CFAP299: variants seen among roughly 807,000 people sequenced by gnomAD.
CFAP299 encodes the protein cilia and flagella associated protein 299, also known as cilia- and flagella-associated protein 299.
In CFAP299, 21 loss-of-function variants were observed where a neutral mutation model predicts 27.0. That is an observed-to-expected ratio of 0.78 (90% CI 0.55 to 1.12). The LOEUF (loss-of-function observed/expected upper bound fraction) is 1.12, where lower values mean the gene tolerates loss of function less well. CFAP299 is among the 50% of genes most tolerant of loss of function. The pLI is 0.00. For missense variants in CFAP299, 310 were observed against 276.6 expected, an observed-to-expected ratio of 1.12 and a Z score of -0.86; for synonymous variants, 104 against 98.1, an observed-to-expected ratio of 1.06 and a Z score of -0.36.
At chr4:80,554,760 A>G (rs1464276314) in intron 2 of CFAP299, among the ~76,000 whole-genome samples, 1 of 151,822 alleles carries the variant, frequency 6.6e-6, no homozygotes, top group Non-Finnish European at 1.5e-5. Flanking sequence ...TTTGTGTGAC[A>G]GTTGTGAATG....
At chr4:80,671,001 G>C (rs190959072) in intron 3 of CFAP299, among the ~76,000 whole-genome samples, 3 of 152,012 alleles carry the variant, frequency 2.0e-5, no homozygotes, top group Admixed American at 6.6e-5. Context: ...TAATTAGATC[G>C]CATTTGTCTA....
the CFAP299 span, among the ~76,000 whole-genome samples, chr4:80,321,717 A>C: frequency 1.3e-5 from 2 of 152,172 alleles, no homozygotes; most frequent in Non-Finnish European, 2.9e-5. Flanking sequence ...ACAAAATCCC[A>C]TGAGTGCAGA....
intron 4 of CFAP299, among the ~76,000 whole-genome samples, chr4:80,895,889 GA>G (rs1436676721): frequency 3.9e-5 from 6 of 152,086 alleles, no homozygotes; most frequent in Admixed American, 3.9e-4. Flanking sequence ...TCACTCGGAT[GA>G]ATGAGGAAGA....
At chr4:80,388,741 A>G (rs935170099) in intron 2 of CFAP299, 8 of 528,372 alleles carry the variant, frequency 1.5e-5, no homozygotes, top group African/African-American at 1.0e-4. Flanking sequence ...ATTTCTTATA[A>G]TTAATCAATA....
intron 3 of CFAP299, among the ~76,000 whole-genome samples, chr4:80,744,318 G>T (rs898045180): frequency 1.2e-4 from 18 of 145,488 alleles, no homozygotes; most frequent in Non-Finnish European, 2.1e-4. Flanking sequence ...CTGATCAAGA[G>T]ACCTGCTGTG....
At chr4:80,848,218 A>G (rs1361606738) in intron 3 of CFAP299, among the ~76,000 whole-genome samples, 1 of 151,998 alleles carries the variant, frequency 6.6e-6, no homozygotes, top group Non-Finnish European at 1.5e-5. Context: ...CTCAAAAAAA[A>G]AAGGGATACA....
chr4:80,701,151 C>T (rs1036374252), intron 3 of CFAP299, among the ~76,000 whole-genome samples: 3 of 151,972 alleles, frequency 2.0e-5, no homozygotes, highest in Non-Finnish European at 4.4e-5. Flanking sequence ...ATCATAAAAA[C>T]ATTAGTGGGG....
Position 80,447,126 on chromosome 4 carries a change from T to TTTG in CFAP299, c.242+84244_242+84245insGTT, listed in dbSNP as rs1553923899. 1.7e-4 allele frequency among the ~76,000 whole-genome samples: 20 copies of TTTG among 118,152 alleles called. 1 individual carries two copies. Among genetic ancestry groups the TTTG allele is most frequent in the African/African-American group, 7.0e-4 (20 of 28,768 alleles). The allele number at this position is 118,152 out of a possible 152,430, so 77.5% of individuals were successfully genotyped here. On this transcript the variant is annotated intron_variant, in intron 2 of 5. Coordinates refer to ENST00000358105, the MANE Select transcript of CFAP299 (RefSeq NM_152770.3). ...TGTTTTTGCTTTTTATTTGTTTTTT[T>TTTG]TTTGTTTTTTTTTTTTTTTTTTTTT...
intron 3 of CFAP299, among the ~76,000 whole-genome samples, chr4:80,867,352 T>C (rs930397060): frequency 5.9e-5 from 9 of 152,202 alleles, no homozygotes; most frequent in African/African-American, 2.2e-4. Context: ...TTAAGTGTTA[T>C]TGTGTTTCAT....
At chr4:80,938,057 T>C (rs78981611) in intron 4 of CFAP299, among the ~76,000 whole-genome samples, 7,436 of 152,292 alleles carry the variant, frequency 0.049, 558 homozygotes, top group African/African-American at 0.16. Flanking sequence ...ATGTCCCTAT[T>C]TACACCTGTT....
intron 3 of CFAP299, among the ~76,000 whole-genome samples, chr4:80,862,876 G>GA (rs1383230690): frequency 6.6e-5 from 10 of 152,106 alleles, no homozygotes; most frequent in Admixed American, 6.6e-4. Context: ...AAAACATTCA[G>GA]AAAATAACTT....
chr4:80,512,046 C>T (rs1168512683), intron 2 of CFAP299, among the ~76,000 whole-genome samples: 1 of 152,062 alleles, frequency 6.6e-6, no homozygotes, highest in Non-Finnish European at 1.5e-5. Flanking sequence ...TAAATGCTTT[C>T]AGTAACTAGG....
At chr4:80,871,348 A>G in intron 4 of CFAP299, 1 of 985,086 alleles carries the variant, frequency 1.0e-6, no homozygotes, top group South Asian at 4.7e-5. Context: ...TCCAAAGTCA[A>G]TCGATCCACA....
At chr4:80,515,864 A>G (rs949498826) in intron 2 of CFAP299, among the ~76,000 whole-genome samples, 1 of 152,172 alleles carries the variant, frequency 6.6e-6, no homozygotes, top group African/African-American at 2.4e-5. Context: ...ATTTCATACA[A>G]AGCCTTTGCT....
intron 2 of CFAP299, among the ~76,000 whole-genome samples, chr4:80,530,875 A>G (rs1413544251): frequency 6.6e-6 from 1 of 152,196 alleles, no homozygotes; most frequent in African/African-American, 2.4e-5. Flanking sequence ...CCTAGCATGG[A>G]TAAGCAAGAG....
chr4:80,328,442 A>C, the CFAP299 span, among the ~76,000 whole-genome samples: 2 of 151,968 alleles, frequency 1.3e-5, 1 homozygote, highest in South Asian at 4.2e-4. Context: ...TATTATATTC[A>C]TCATAACAAA....
intron 2 of CFAP299, among the ~76,000 whole-genome samples, chr4:80,370,276 T>C (rs1285089136): frequency 6.6e-6 from 1 of 152,142 alleles, no homozygotes; most frequent in African/African-American, 2.4e-5. Context: ...AGGCCCCACC[T>C]TTCTTCACTG....
rs373722560 is a variant in CFAP299 at position 80,458,616 on chromosome 4, G to A, written c.242+95732G>A. Reference sequence around the variant, plus strand: ...TATAGCCAATTTATTTATTTTATTAGTGATTCAAGCCAAATAAGACTTCTG... The same window carrying A: ...TATAGCCAATTTATTTATTTTATTAATGATTCAAGCCAAATAAGACTTCTG... On this transcript the variant is annotated intron_variant, in intron 2 of 5. Coordinates refer to ENST00000358105, the MANE Select transcript of CFAP299 (RefSeq NM_152770.3). 4.6e-5 allele frequency among the ~76,000 whole-genome samples: 7 copies of A among 151,952 alleles called. No homozygotes were observed. The South Asian group carries it at 8.3e-4, about 18-fold the overall frequency.
intron 2 of CFAP299, among the ~76,000 whole-genome samples, chr4:80,416,507 G>C (rs1276003617): frequency 6.6e-6 from 1 of 152,030 alleles, no homozygotes; most frequent in African/African-American, 2.4e-5. Context: ...GTCTGATATT[G>C]TAAATCTATA....
Sources: allele counts gnomAD v4.1 joint callset (sites outside exome capture counted in the v4.1 genomes callset), GRCh38; gene constraint gnomAD v4.1.1; transcripts MANE v1.5; gene names NCBI Gene and HGNC (gene_info 2026-07-23, HGNC 2026-07-21).